TEX14: variants seen among roughly 807,000 people sequenced by gnomAD.
The protein encoded by TEX14 is inactive serine/threonine-protein kinase TEX14.
TEX14 carries 168 observed loss-of-function variants against 178.6 expected under a neutral mutation model. The ratio of observed to expected loss-of-function variants is 0.94; its 90% CI spans 0.83 to 1.07. TEX14 has a LOEUF of 1.07. TEX14 is among the 50% of genes least tolerant of loss of function. The probability of loss-of-function intolerance (pLI) is 0.00; values close to 1 mark genes in which losing one functional copy is unlikely to be tolerated. For synonymous variants in TEX14, 626 were observed against 634.1 expected, an observed-to-expected ratio of 0.99 and a Z score of 0.19; for missense variants, 1,730 against 1,753.6, an observed-to-expected ratio of 0.99 and a Z score of 0.24.
chr17:58,605,104 G>T lies in TEX14; in HGVS notation c.1210C>A (p.Leu404Met). 3 of 1,614,122 alleles carry T rather than the reference G, an allele frequency of 1.9e-6. No individual in the cohort carries two copies. The highest frequency in any genetic ancestry group is 2.5e-6 in the Non-Finnish European group (3 of 1,179,994). The change falls in exon 11 of 32, where the codon CTG becomes ATG. Residue 404 changes from leucine (L) to methionine (M), a missense_variant. By Grantham distance (15) the Leu-to-Met change is conservative (BLOSUM62 2). Coordinates refer to ENST00000349033, the MANE Select transcript of TEX14 (RefSeq NM_031272.5). ...TGCGTAGGAAGGGGCACTCGAGTCA[G>T]GTCCCTCTGTACACCTCTGTCCTCG... The part of the protein sequence containing the change: ...ESEDRGVQRD[L>M]TRVPLPTQLY...
At chr17:58,642,798 C>T (rs912241583) in intron 2 of TEX14, among the ~76,000 whole-genome samples, 1 of 152,176 alleles carries the variant, frequency 6.6e-6, no homozygotes, top group Non-Finnish European at 1.5e-5. Flanking sequence ...CCCTTGGCCT[C>T]CTCTGAGCAG....
At chr17:58,563,964 C>T (rs1804970459) in intron 28 of TEX14, among the ~76,000 whole-genome samples, 1 of 151,464 alleles carries the variant, frequency 6.6e-6, no homozygotes, top group Admixed American at 6.6e-5. Context: ...CACCACCTCA[C>T]ACCCATTAGG....
chr17:58,563,621 T>A (rs575078165), intron 28 of TEX14, among the ~76,000 whole-genome samples: 132 of 46,402 alleles, frequency 2.8e-3, no homozygotes, highest in South Asian at 4.3e-3. Flanking sequence ...CATCTCTAAT[T>A]TATATATATA....
intron 2 of TEX14, among the ~76,000 whole-genome samples, chr17:58,638,300 G>A (rs1457295192): frequency 6.6e-6 from 1 of 151,880 alleles, no homozygotes; most frequent in Non-Finnish European, 1.5e-5. Context: ...CTTGAGCCCA[G>A]TAGTTCAAGA....
intron 1 of TEX14, chr17:58,679,394 G>A (rs1302784092): frequency 1.3e-5 from 2 of 152,002 alleles, no homozygotes; most frequent in Non-Finnish European, 2.9e-5. Flanking sequence ...GAGACCAAAA[G>A]CGTGTGTGGA....
intron 20 of TEX14, among the ~76,000 whole-genome samples, chr17:58,577,887 T>TGTGGGC (rs759343741): frequency 7.2e-5 from 11 of 152,226 alleles, no homozygotes; most frequent in Middle Eastern, 6.8e-3. Flanking sequence ...AAACACTAGG[T>TGTGGGC]GTGGGCGTGG....
intron 15 of TEX14, among the ~76,000 whole-genome samples, chr17:58,589,234 G>A (rs1472770156): frequency 6.6e-6 from 1 of 151,672 alleles, no homozygotes; most frequent in Non-Finnish European, 1.5e-5. Flanking sequence ...CTGCACTCCA[G>A]CCTGGGTGAC....
intron 3 of TEX14, among the ~76,000 whole-genome samples, chr17:58,625,302 C>T (rs1389471365): frequency 6.6e-6 from 1 of 151,804 alleles, no homozygotes; most frequent in Non-Finnish European, 1.5e-5. Flanking sequence ...GCTCAGGTAA[C>T]TTTTGTATTT....
intron 1 of TEX14, chr17:58,666,427 A>AGAT (rs1434891720): frequency 7.4e-6 from 1 of 134,382 alleles, no homozygotes; most frequent in Non-Finnish European, 1.6e-5. Context: ...ACTCCAGCCT[A>AGAT]GATAAACAAA....
At chr17:58,631,314 T>C (rs1022009847) in intron 2 of TEX14, 1 of 156,094 alleles carries the variant, frequency 6.4e-6, no homozygotes, top group African/African-American at 2.4e-5. Context: ...ATACAAAAAC[T>C]AGCGGGGCTG....
chr17:58,655,074 G>A (rs914193991), intron 1 of TEX14, among the ~76,000 whole-genome samples: 21 of 135,280 alleles, frequency 1.6e-4, no homozygotes, highest in African/African-American at 6.0e-4. Context: ...TTGCTCTGTT[G>A]CCCAGGCTGA....
chr17:58,584,593 C>G lies in TEX14; in HGVS notation c.3078G>C (p.Arg1026Ser), dbSNP rs1439328631. Residue 1026 changes from arginine to serine, a missense_variant, in exon 19 of 32, where the codon AGG (arginine) becomes AGC (serine). Physicochemically the swap from Arg to Ser is moderately radical, Grantham distance 110 (BLOSUM62 -1). Around this residue, in one of 2 missense-constraint regions of TEX14, gnomAD observed 941 missense variants for 1,072.4 expected, o/e 0.88. Transcript: ENST00000349033. ...QPRLGSFTSI[R>S]HPSPRQKEQP... ...GCTCCTTTTGTCTGGGAGATGGGTG[C>G]CTGATACCTAATGATTGTAACACAG... 1 of 1,612,980 alleles carries G rather than the reference C, an allele frequency of 6.2e-7. No individual in the cohort carries two copies.
chr17:58,581,505 C>A, intron 19 of TEX14: 1 of 1,287,200 alleles, frequency 7.8e-7, no homozygotes. Flanking sequence ...ATAAAAAATC[C>A]TGGTAGACAT....
chr17:58,593,581 T>G lies in TEX14; in HGVS notation c.2550A>C (p.Glu850Asp). 1 of 1,614,112 alleles carries G rather than the reference T, an allele frequency of 6.2e-7. No homozygotes were observed. Among genetic ancestry groups the G allele is most frequent in the South Asian group, 1.1e-5 (1 of 91,080 alleles). Residue 850 changes from glutamate (E) to aspartate (D), a missense_variant, in exon 15 of 32, where the codon GAA becomes GAC. By Grantham distance (45) the Glu-to-Asp change is conservative. Around this residue, in one of 2 missense-constraint regions of TEX14, gnomAD observed 941 missense variants for 1,072.4 expected, o/e 0.88. Coordinates refer to ENST00000349033, the MANE Select transcript of TEX14 (RefSeq NM_031272.5). The part of the protein sequence containing the change: ...QCTQGAKDSL[E>D]TSRIQNTSSQ... ...TACTGGTATTTTGGATCCTGCTTGT[T>G]TCCAAACTGTCCTTGGCTCCTTGAG...
chr17:58,608,851 A>C (rs2045678123), intron 10 of TEX14, among the ~76,000 whole-genome samples: 1 of 152,174 alleles, frequency 6.6e-6, no homozygotes, highest in Non-Finnish European at 1.5e-5. Context: ...AGTGTAGTAA[A>C]AGTGCCTTCA....
At chr17:58,686,379 T>C (rs1382842758) in intron 1 of TEX14, among the ~76,000 whole-genome samples, 2 of 152,030 alleles carry the variant, frequency 1.3e-5, no homozygotes, top group Non-Finnish European at 2.9e-5. Context: ...ATGTGGTTCA[T>C]GGAGGCAGGA....
chr17:58,647,383 T>A lies in TEX14; in HGVS notation c.136+4483A>T, dbSNP rs538637351. ...CATCTCTACTAAAAATACAAAAAAA[T>A]TAGCTGGGTGTAGTGGCGGGTGCCT... On this transcript the variant is annotated intron_variant, in intron 2 of 31. Coordinates refer to ENST00000349033, the MANE Select transcript of TEX14 (RefSeq NM_031272.5). Among the ~76,000 whole-genome samples the A allele has an allele frequency of 5.9e-5, 9 of 151,696 alleles. 1 individual carries two copies. The South Asian group carries it at 1.9e-3, about 32-fold the overall frequency.
intron 1 of TEX14, among the ~76,000 whole-genome samples, chr17:58,654,495 C>A (rs149913604): frequency 2.1e-5 from 3 of 146,250 alleles, no homozygotes; most frequent in South Asian, 2.1e-4. Context: ...AAAAAAAAAA[C>A]AACTTGTAAC....
At chr17:58,626,774 G>A (rs556352982) in intron 3 of TEX14, among the ~76,000 whole-genome samples, 2 of 152,056 alleles carry the variant, frequency 1.3e-5, no homozygotes, top group South Asian at 2.1e-4. Flanking sequence ...GGGAGGGTGA[G>A]GCAGGAGAAT....
Sources: allele counts gnomAD v4.1 joint callset (sites outside exome capture counted in the v4.1 genomes callset), GRCh38; gene constraint gnomAD v4.1.1; regional missense constraint gnomAD v4.1.1; transcripts MANE v1.5; gene names NCBI Gene and HGNC (gene_info 2026-07-23, HGNC 2026-07-21).